CCSER2: variants seen among roughly 807,000 people sequenced by gnomAD.
CCSER2 encodes the protein serine-rich coiled-coil domain-containing protein 2.
Under a neutral mutation model 92.3 loss-of-function variants are expected in CCSER2, and 46 were observed. That is an observed-to-expected ratio of 0.50 (90% CI 0.39 to 0.64). The LOEUF is 0.64. CCSER2 is among the 30% of genes least tolerant of loss of function. CCSER2 has a pLI of 0.00. For missense variants in CCSER2, 1,244 were observed against 1,238.9 expected, an observed-to-expected ratio of 1.00 and a Z score of -0.06; for synonymous variants, 433 against 431.4, an observed-to-expected ratio of 1.00 and a Z score of -0.04.
intron 2 of CCSER2, among the ~76,000 whole-genome samples, chr10:84,373,094 A>G (rs1188660984): frequency 6.6e-6 from 1 of 152,134 alleles, no homozygotes; most frequent in Non-Finnish European, 1.5e-5. Flanking sequence ...CTGAATAAAG[A>G]ACAACTAAAG....
intron 3 of CCSER2, among the ~76,000 whole-genome samples, chr10:84,415,020 A>G (rs1003220543): frequency 6.6e-6 from 1 of 152,052 alleles, no homozygotes; most frequent in African/African-American, 2.4e-5. Flanking sequence ...TCCTCTCTCA[A>G]CCAGCTATTT....
At position 84,438,500 on chromosome 10, in the gene CCSER2, C is replaced by T; in HGVS notation, c.1869-12C>T. The T allele has an allele frequency of 2.0e-6, 3 of 1,512,248 alleles. No individual in the cohort carries two copies. The highest frequency in any genetic ancestry group is 9.0e-7 in the Non-Finnish European group (1 of 1,112,838). 93.7% of individuals were successfully genotyped at this position (1,512,248 alleles called of 1,614,324 possible). ...ATATCTTTTCCCTCCACCTTCTTCC[C>T]TGCCCTTCCAGAGGCTCTCCCTATA... On this transcript the variant is annotated splice_polypyrimidine_tract_variant and intron_variant, in intron 5 of 9. Transcript: ENST00000372088.
chr10:84,466,214 T>C (rs1846419050), intron 7 of CCSER2, among the ~76,000 whole-genome samples: 1 of 152,204 alleles, frequency 6.6e-6, no homozygotes, highest in Non-Finnish European at 1.5e-5. Flanking sequence ...CTGTGTCACC[T>C]TTCATCCAAA....
chr10:84,450,345 G>A (rs1361082754), intron 6 of CCSER2, among the ~76,000 whole-genome samples: 1 of 152,090 alleles, frequency 6.6e-6, no homozygotes, highest in Non-Finnish European at 1.5e-5. Context: ...CACGTAATAA[G>A]GACAAATACT....
At chr10:84,391,386 T>C (rs1260633210) in intron 3 of CCSER2, 3 of 1,464,668 alleles carry the variant, frequency 2.0e-6, no homozygotes, top group East Asian at 4.5e-5. Context: ...ATCCTAACAC[T>C]AATGCATCAG....
At chr10:84,380,930 C>T (rs1470887557) in intron 3 of CCSER2, among the ~76,000 whole-genome samples, 6 of 152,084 alleles carry the variant, frequency 3.9e-5, no homozygotes, top group Non-Finnish European at 7.4e-5. Flanking sequence ...CTCCTGACCT[C>T]GTGATCTGCC....
chr10:84,490,791 G>T (rs868585577), intron 9 of CCSER2, among the ~76,000 whole-genome samples: 1 of 152,224 alleles, frequency 6.6e-6, no homozygotes, highest in East Asian at 1.9e-4. Flanking sequence ...GAGGAGCTGC[G>T]TTCCTTTGGA....
chr10:84,437,273 C>T (rs1589662645), intron 5 of CCSER2, among the ~76,000 whole-genome samples: 1 of 152,148 alleles, frequency 6.6e-6, no homozygotes, highest in South Asian at 2.1e-4. Context: ...AATCCCAGAA[C>T]TTTGGCAGGC....
At chr10:84,425,512 G>T (rs1843381125) in intron 4 of CCSER2, among the ~76,000 whole-genome samples, 1 of 152,158 alleles carries the variant, frequency 6.6e-6, no homozygotes, top group Admixed American at 6.5e-5. Context: ...TAATGTAAAA[G>T]TATTATAATT....
rs1387858773 is a variant in CCSER2, at chr10:84,514,956, CAT to C, written c.*690_*691del. The C allele has an allele frequency of 6.6e-6, 1 of 152,662 alleles. No homozygotes were observed. Among genetic ancestry groups the C allele is most frequent in the African/African-American group, 2.4e-5 (1 of 41,444 alleles). 9.5% of individuals were successfully genotyped at this position (152,662 alleles called of 1,614,324 possible). A position where few individuals can be genotyped will look rare whatever the true frequency, so the allele number is the denominator to read the frequency against. Reference sequence around the variant, plus strand: ...TCCTTTACATCTTGTTTTACAAACACATGTGCATGCACACACACATATACACA... The same window carrying C: ...TCCTTTACATCTTGTTTTACAAACACGTGCATGCACACACACATATACACA... On this transcript the variant is annotated 3_prime_UTR_variant, in exon 10 of 10. Transcript: ENST00000372088.
At chr10:84,396,444 T>G (rs1841843265) in intron 3 of CCSER2, among the ~76,000 whole-genome samples, 1 of 151,962 alleles carries the variant, frequency 6.6e-6, no homozygotes, top group African/African-American at 2.4e-5. Flanking sequence ...CCAAGTTTAC[T>G]TACGTTAGTT....
At chr10:84,346,752 CTT>C (rs202106905) in intron 1 of CCSER2, among the ~76,000 whole-genome samples, 118 of 127,676 alleles carry the variant, frequency 9.2e-4, no homozygotes, top group African/African-American at 2.9e-3. Context: ...ATCCTCATTT[CTT>C]TTTTTTTATA....
At chr10:84,336,141 C>G (rs970376305) in intron 1 of CCSER2, among the ~76,000 whole-genome samples, 9 of 152,120 alleles carry the variant, frequency 5.9e-5, no homozygotes, top group Non-Finnish European at 8.8e-5. Context: ...ATTGTTGTGG[C>G]CTTTCTTGCA....
At chr10:84,355,646 T>C (rs1189691403) in intron 1 of CCSER2, among the ~76,000 whole-genome samples, 1 of 152,240 alleles carries the variant, frequency 6.6e-6, no homozygotes, top group Non-Finnish European at 1.5e-5. Flanking sequence ...TAGAGCCTGA[T>C]TCATAATAGG....
chr10:84,344,268 T>G (rs908484308), intron 1 of CCSER2, among the ~76,000 whole-genome samples: 1 of 152,218 alleles, frequency 6.6e-6, no homozygotes, highest in African/African-American at 2.4e-5. Context: ...ACTTTAAAAC[T>G]TAAGATTCTC....
intron 1 of CCSER2, among the ~76,000 whole-genome samples, chr10:84,337,779 C>T (rs921039461): frequency 6.6e-5 from 10 of 152,032 alleles, no homozygotes; most frequent in Non-Finnish European, 1.2e-4. Context: ...TGTCTTTCTC[C>T]AAAGATGATT....
chr10:84,428,658 A>C (rs1843575689), intron 5 of CCSER2, among the ~76,000 whole-genome samples: 1 of 152,178 alleles, frequency 6.6e-6, no homozygotes, highest in Non-Finnish European at 1.5e-5. Context: ...AAGTGGTGAA[A>C]GCCAATAGGT....
At chr10:84,354,673 GTTCCTGTACT>G (rs1564591905) in intron 1 of CCSER2, among the ~76,000 whole-genome samples, 2 of 150,796 alleles carry the variant, frequency 1.3e-5, no homozygotes, top group African/African-American at 4.9e-5. Context: ...TTTGACCATC[GTTCCTGTACT>G]GATAATTCCC....
chr10:84,379,917 G>A (rs1840804317), intron 3 of CCSER2, among the ~76,000 whole-genome samples: 1 of 151,814 alleles, frequency 6.6e-6, no homozygotes, highest in Non-Finnish European at 1.5e-5. Context: ...ATTCTTTATT[G>A]CTAATAATAA....
Sources: gnomAD v4.1 joint callset for allele counts (sites outside exome capture counted in the v4.1 genomes callset) on GRCh38, gnomAD v4.1.1 for gene constraint, MANE v1.5 for transcripts, NCBI Gene and HGNC (gene_info 2026-07-23, HGNC 2026-07-21) for gene names.